COA1: variants seen among roughly 807,000 people sequenced by gnomAD.
The protein encoded by COA1 is cytochrome c oxidase assembly factor 1 homolog.
In COA1, 13 loss-of-function variants were observed where a neutral mutation model predicts 16.0. That is an observed-to-expected ratio of 0.81 (90% confidence interval 0.53 to 1.29). The LOEUF (loss-of-function observed/expected upper bound fraction) is 1.29. Among genes scored for constraint, COA1 ranks in the 50% most tolerant of loss-of-function variants. COA1 has a pLI of 0.00. For missense variants in COA1, 179 were observed against 177.0 expected (o/e 1.01, Z -0.06); for synonymous variants, 65 against 65.7 (o/e 0.99, Z 0.05).
chr7:43,692,168 A>G (rs1360954764), intron 1 of COA1, among the ~76,000 whole-genome samples: 3 of 152,190 alleles, frequency 2.0e-5, no homozygotes, highest in African/African-American at 7.2e-5. Flanking sequence ...TCTGTCCCAC[A>G]TTTGATCCTG....
intron 1 of COA1, among the ~76,000 whole-genome samples, chr7:43,708,129 C>T (rs886849041): frequency 2.6e-5 from 4 of 152,032 alleles, no homozygotes; most frequent in African/African-American, 9.7e-5. Flanking sequence ...GCTTGAACCC[C>T]GGAGGCGGAG....
intron 6 of COA1, chr7:43,633,244 C>T (rs1250644927): frequency 6.6e-6 from 1 of 152,236 alleles, no homozygotes; most frequent in Admixed American, 6.5e-5. Context: ...TGCTGCGTCA[C>T]GTTGTACTTT....
chr7:43,712,910 G>A (rs1201984801), intron 1 of COA1, among the ~76,000 whole-genome samples: 1 of 151,454 alleles, frequency 6.6e-6, no homozygotes, highest in Non-Finnish European at 1.5e-5. Context: ...ATATTTGAGG[G>A]GTACAATTTG....
chr7:43,686,008 C>G (rs1227849176), intron 1 of COA1, among the ~76,000 whole-genome samples: 1 of 152,176 alleles, frequency 6.6e-6, no homozygotes, highest in East Asian at 1.9e-4. Context: ...CAGAAACAGG[C>G]TACACCTGTA....
chr7:43,708,416 G>A (rs188601879), intron 1 of COA1, among the ~76,000 whole-genome samples: 73 of 143,950 alleles, frequency 5.1e-4, no homozygotes, highest in African/African-American at 1.7e-3. Flanking sequence ...AGCCGAGATC[G>A]TACCACTGCA....
intron 4 of COA1, among the ~76,000 whole-genome samples, chr7:43,644,222 G>T (rs2088053006): frequency 6.6e-6 from 1 of 152,106 alleles, no homozygotes; most frequent in African/African-American, 2.4e-5. Flanking sequence ...ATAGTGACAG[G>T]GTTTCCCTCA....
chr7:43,675,745 T>C (rs1405644866), intron 1 of COA1, among the ~76,000 whole-genome samples: 2 of 152,116 alleles, frequency 1.3e-5, no homozygotes, highest in African/African-American at 4.8e-5. Context: ...TGTAGAGAGA[T>C]GTCAAGATTA....
At position 43,628,181 on chromosome 7, in the gene COA1, G is replaced by A. The variant is rs1301851568; in HGVS notation, c.*133+11268C>T. ...TTTGTATTTTTTTTTTAGTAGACATGGGGTTGCACCATGTTGGTCAAGCTG... is the reference window on the plus strand; with the variant it reads ...TTTGTATTTTTTTTTTAGTAGACATAGGGTTGCACCATGTTGGTCAAGCTG... On this transcript the variant is annotated intron_variant and NMD_transcript_variant, in intron 6 of 6. Transcript: ENST00000415076. 3.9e-5 allele frequency among the ~76,000 whole-genome samples: 6 copies of A among 151,986 alleles called. No homozygotes were observed. In the East Asian group the frequency reaches 1.2e-3, roughly 29 times the overall value.
intron 1 of COA1, among the ~76,000 whole-genome samples, chr7:43,669,496 C>T (rs1243428669): frequency 2.0e-5 from 3 of 152,010 alleles, no homozygotes; most frequent in South Asian, 2.1e-4. Context: ...TGGCACCCTG[C>T]ATTTGCATAT....
chr7:43,613,107 G>A (rs2083025177), intron 6 of COA1, among the ~76,000 whole-genome samples: 1 of 152,166 alleles, frequency 6.6e-6, no homozygotes, highest in Non-Finnish European at 1.5e-5. Flanking sequence ...AAGAAATCTG[G>A]TCTTAAAATC....
intron 1 of COA1, among the ~76,000 whole-genome samples, chr7:43,691,412 GAAGAAAGAAAAAGAAAGAAAGA>G (rs2094341028): frequency 2.3e-5 from 2 of 88,638 alleles, no homozygotes; most frequent in Non-Finnish European, 4.4e-5. Flanking sequence ...AGGAAGGAAG[GAAGAAAGAAAAAGAAAGAAAGA>G]AAGAAAGAAA....
At chr7:43,642,766 A>C (rs927887230) in intron 4 of COA1, among the ~76,000 whole-genome samples, 1 of 152,230 alleles carries the variant, frequency 6.6e-6, no homozygotes, top group East Asian at 1.9e-4. Context: ...GGTAAAGCAA[A>C]GTGTTGGTCA....
intron 1 of COA1, among the ~76,000 whole-genome samples, chr7:43,693,358 A>AT (rs2094435182): frequency 6.6e-6 from 1 of 152,044 alleles, no homozygotes; most frequent in South Asian, 2.1e-4. Context: ...TCTCTCCAAC[A>AT]TTGTTCTTGT....
chr7:43,671,165 T>A (rs751607268), intron 1 of COA1, among the ~76,000 whole-genome samples: 1 of 152,174 alleles, frequency 6.6e-6, no homozygotes, highest in African/African-American at 2.4e-5. Context: ...ATGTAAGCAC[T>A]AAATTCTAAA....
At chr7:43,669,856 T>C (rs1222730536) in intron 1 of COA1, among the ~76,000 whole-genome samples, 2 of 151,854 alleles carry the variant, frequency 1.3e-5, no homozygotes, top group African/African-American at 2.4e-5. Flanking sequence ...ATTTAAAATA[T>C]TGGTTCACTC....
At chr7:43,641,518 G>A (rs183983449) in intron 4 of COA1, 7 of 152,082 alleles carry the variant, frequency 4.6e-5, no homozygotes, top group Middle Eastern at 6.8e-3. Context: ...TGTCTTTTTT[G>A]TACGTTTGAA....
At chr7:43,721,660 T>G (rs966192324) in intron 1 of COA1, among the ~76,000 whole-genome samples, 2 of 152,156 alleles carry the variant, frequency 1.3e-5, no homozygotes, top group African/African-American at 2.4e-5. Context: ...CATGAAGAGA[T>G]AGCACTAGGG....
chr7:43,682,103 T>A (rs913445756), intron 1 of COA1, among the ~76,000 whole-genome samples: 13 of 152,154 alleles, frequency 8.5e-5, no homozygotes. Flanking sequence ...AACGAAATAG[T>A]GCAAGTTCCC....
intron 1 of COA1, among the ~76,000 whole-genome samples, chr7:43,688,089 A>G (rs1463931892): frequency 6.6e-6 from 1 of 152,178 alleles, no homozygotes; most frequent in Non-Finnish European, 1.5e-5. Flanking sequence ...ACCTCCCGCC[A>G]TGATTCTGAG....
Sources: allele counts gnomAD v4.1 joint callset (sites outside exome capture counted in the v4.1 genomes callset), GRCh38; gene constraint gnomAD v4.1.1; transcripts MANE v1.5; gene names NCBI Gene and HGNC (gene_info 2026-07-23, HGNC 2026-07-21).